Variants in ASAP1 observed in about 807,000 individuals in gnomAD.
ASAP1 encodes the protein ArfGAP with SH3 domain, ankyrin repeat and PH domain 1.
Under a neutral mutation model 145.2 loss-of-function variants are expected in ASAP1, and 43 were observed. The ratio of observed to expected loss-of-function variants is 0.30; its 90% CI spans 0.23 to 0.38. The LOEUF (loss-of-function observed/expected upper bound fraction) is 0.38. ASAP1 is among the 10% of genes least tolerant of loss of function. The pLI is 1.00. For synonymous variants in ASAP1, 546 were observed against 515.5 expected (o/e 1.06, Z -0.80); for missense variants, 1,018 against 1,355.3 (o/e 0.75, Z 3.91).
At chr8:130,427,080 C>T (rs1290711762) in intron 1 of ASAP1, among the ~76,000 whole-genome samples, 1 of 152,084 alleles carries the variant, frequency 6.6e-6, no homozygotes, top group Non-Finnish European at 1.5e-5. Flanking sequence ...TGGGCAGAGA[C>T]GGCAGAGCAG....
intron 3 of ASAP1, among the ~76,000 whole-genome samples, chr8:130,329,201 G>A (rs1201438170): frequency 6.6e-6 from 1 of 152,138 alleles, no homozygotes; most frequent in Non-Finnish European, 1.5e-5. Flanking sequence ...GAGTGACACA[G>A]CGGTTCACTA....
At chr8:130,406,768 C>A (rs144969536) in intron 1 of ASAP1, among the ~76,000 whole-genome samples, 114 of 152,258 alleles carry the variant, frequency 7.5e-4, no homozygotes, top group African/African-American at 2.5e-3. Flanking sequence ...CAGGAATGAG[C>A]CACTGTGCCT....
At chr8:130,260,965 C>T (rs1819861916) in intron 3 of ASAP1, among the ~76,000 whole-genome samples, 1 of 152,162 alleles carries the variant, frequency 6.6e-6, no homozygotes, top group African/African-American at 2.4e-5. Context: ...TTCAAAGTCT[C>T]CCAGGGTCTT....
intron 1 of ASAP1, among the ~76,000 whole-genome samples, chr8:130,408,836 A>G (rs1474304058): frequency 3.3e-5 from 5 of 152,248 alleles, no homozygotes; most frequent in Admixed American, 2.6e-4. Flanking sequence ...TGGCAGACTC[A>G]GAACTCAAAC....
At chr8:130,298,575 T>C (rs1362987175) in intron 3 of ASAP1, among the ~76,000 whole-genome samples, 1 of 152,250 alleles carries the variant, frequency 6.6e-6, no homozygotes, top group Non-Finnish European at 1.5e-5. Context: ...AATCAGAGCA[T>C]GCCAATCCTT....
rs561572580 is a variant in ASAP1, at chr8:130,310,301, T to G, written c.186+47716A>C. On this transcript the variant is annotated intron_variant, in intron 3 of 29. Coordinates refer to ENST00000518721, the MANE Select transcript of ASAP1 (RefSeq NM_018482.4). Reference sequence around the variant, plus strand: ...GAAGTAGAAAATTATGAGGAAGAAGTAGCTTCAATGCATTAATTAAAATTA... The same window carrying G: ...GAAGTAGAAAATTATGAGGAAGAAGGAGCTTCAATGCATTAATTAAAATTA... 2.0e-5 allele frequency among the ~76,000 whole-genome samples: 3 copies of G among 152,270 alleles called. No homozygotes were observed. The South Asian group carries it at 6.2e-4, about 32-fold the overall frequency.
At chr8:130,275,329 A>C (rs574603409) in intron 3 of ASAP1, among the ~76,000 whole-genome samples, 1 of 152,350 alleles carries the variant, frequency 6.6e-6, no homozygotes, top group East Asian at 1.9e-4. Context: ...AAGAGAGCTA[A>C]AGAAAGCCAC....
chr8:130,300,153 C>CACACAGAGAGAGAGAGAGAGAG (rs1196584279), intron 3 of ASAP1, among the ~76,000 whole-genome samples: 30 of 76,918 alleles, frequency 3.9e-4, no homozygotes, highest in African/African-American at 1.2e-3. Context: ...CACACACACA[C>CACACAGAGAGAGAGAGAGAGAG]AGAGAGAGAG....
chr8:130,185,121 A>G (rs1814630771), intron 7 of ASAP1, among the ~76,000 whole-genome samples: 1 of 152,222 alleles, frequency 6.6e-6, no homozygotes, highest in Admixed American at 6.5e-5. Context: ...GTCCCAGTAC[A>G]TCAAAGAGAC....
intron 4 of ASAP1, among the ~76,000 whole-genome samples, chr8:130,228,987 A>C (rs1817751717): frequency 6.6e-6 from 1 of 152,190 alleles, no homozygotes; most frequent in Non-Finnish European, 1.5e-5. Flanking sequence ...ATGTCTGATC[A>C]ATTACCCAAG....
At chr8:130,238,009 T>G (rs1281260865) in intron 3 of ASAP1, among the ~76,000 whole-genome samples, 2 of 152,130 alleles carry the variant, frequency 1.3e-5, no homozygotes, top group Non-Finnish European at 2.9e-5. Context: ...TTACATCATC[T>G]AAACCTCAGA....
At chr8:130,229,097 A>T (rs1275469100) in intron 4 of ASAP1, among the ~76,000 whole-genome samples, 1 of 152,242 alleles carries the variant, frequency 6.6e-6, no homozygotes, top group Non-Finnish European at 1.5e-5. Flanking sequence ...GTTCTGTCTT[A>T]TGGCACTGAT....
In ASAP1 at chr8:130,054,670, G is replaced by T. The variant is rs1030869242; in HGVS notation, c.*61C>A. The T allele has an allele frequency of 1.4e-6, 2 of 1,448,182 alleles. No individual in the cohort carries two copies. The highest frequency in any genetic ancestry group is 1.9e-6 in the Non-Finnish European group (2 of 1,030,408). 89.7% of individuals were successfully genotyped at this position (1,448,182 alleles called of 1,614,324 possible). A position where few individuals can be genotyped will look rare whatever the true frequency, so the allele number is the denominator to read the frequency against. The stretch of plus-strand genomic sequence containing the variant: ...CAGCTATATACACACTGTGCCCAGG[G>T]TTACATGAAGGCAGCAGTCTTGCAT... On this transcript the variant is annotated 3_prime_UTR_variant, in exon 30 of 30. Transcript: ENST00000518721.
rs115209128 is a variant in ASAP1 at position 130,365,476 on chromosome 8, A to G, written c.60-7333T>C. Among the ~76,000 whole-genome samples, 1,376 of 152,314 alleles carry G rather than the reference A, an allele frequency of 9.0e-3. 24 individuals carry two copies. The highest frequency in any genetic ancestry group is 0.032 in the African/African-American group (1,317 of 41,576). ...TGGGAGTCCTAAAAACTTGCGATCTATAGGAACGAGGGATTTAAAATCTTG... is the reference window on the plus strand; with the variant it reads ...TGGGAGTCCTAAAAACTTGCGATCTGTAGGAACGAGGGATTTAAAATCTTG... On this transcript the variant is annotated intron_variant, in intron 2 of 29. Coordinates refer to ENST00000518721, the MANE Select transcript of ASAP1 (RefSeq NM_018482.4).
chr8:130,216,907 C>T (rs966776130), intron 4 of ASAP1, among the ~76,000 whole-genome samples: 1 of 152,216 alleles, frequency 6.6e-6, no homozygotes, highest in Non-Finnish European at 1.5e-5. Flanking sequence ...CTCTCTGTTG[C>T]TACTTTTGCC....
At chr8:130,202,890 C>A (rs1376227442) in intron 5 of ASAP1, among the ~76,000 whole-genome samples, 1 of 152,102 alleles carries the variant, frequency 6.6e-6, no homozygotes, top group Admixed American at 6.5e-5. Flanking sequence ...CTCATTTTTA[C>A]TGAAAGATGT....
Position 130,412,433 on chromosome 8 carries a change from G to A in ASAP1, c.-27-10463C>T, listed in dbSNP as rs542354283. ...CTTGCTCCTGCTTGGGCCATGTGAC[G>A]TGCCTGTTCCCCCTTCACCTTCTAC... On this transcript the variant is annotated intron_variant, in intron 1 of 29. Coordinates refer to ENST00000518721, the MANE Select transcript of ASAP1 (RefSeq NM_018482.4). Among the ~76,000 whole-genome samples, 9 of 151,878 alleles carry A rather than the reference G, an allele frequency of 5.9e-5. No individual in the cohort carries two copies. The South Asian group carries it at 6.2e-4, about 11-fold the overall frequency.
chr8:130,352,798 T>C (rs758822194), intron 3 of ASAP1, among the ~76,000 whole-genome samples: 5 of 152,248 alleles, frequency 3.3e-5, no homozygotes, highest in Non-Finnish European at 5.9e-5. Flanking sequence ...TGTTATGAGA[T>C]AGAGCTTGAT....
At chr8:130,238,079 G>A (rs768916301) in intron 3 of ASAP1, among the ~76,000 whole-genome samples, 2 of 152,114 alleles carry the variant, frequency 1.3e-5, no homozygotes, top group Non-Finnish European at 2.9e-5. Flanking sequence ...GAAGCCGAAA[G>A]GGATAAATGC....
Sources: allele counts gnomAD v4.1 joint callset (sites outside exome capture counted in the v4.1 genomes callset), GRCh38; gene constraint gnomAD v4.1.1; transcripts MANE v1.5; gene names NCBI Gene and HGNC (gene_info 2026-07-23, HGNC 2026-07-21).